DOCK5: variants seen among roughly 807,000 people sequenced by gnomAD.
The protein encoded by DOCK5 is dedicator of cytokinesis 5.
A neutral mutation model predicts 251.8 loss-of-function variants in DOCK5; 142 were observed. The ratio of observed to expected loss-of-function variants is 0.56; its 90% CI spans 0.49 to 0.65. The LOEUF (loss-of-function observed/expected upper bound fraction) is 0.65, where lower values mean the gene tolerates loss of function less well. DOCK5 is among the 30% of genes least tolerant of loss of function. The pLI, the probability that DOCK5 is intolerant of heterozygous loss-of-function variation, is 0.00. For missense variants in DOCK5, 2,111 were observed against 2,312.3 expected (o/e 0.91, Z 1.79); for synonymous variants, 842 against 835.5 (o/e 1.01, Z -0.13).
chr8:25,341,597 G>C, intron 23 of DOCK5, 142 bp from the exon 24 acceptor site: 1 of 706,962 alleles, frequency 1.4e-6, no homozygotes, highest in Non-Finnish European at 2.4e-6. Flanking sequence ...AGCAATGCCA[G>C]CTTTCCTTTT....
At chr8:25,287,570 TG>T (rs935403366) in intron 5 of DOCK5, among the ~76,000 whole-genome samples, 15 of 152,246 alleles carry the variant, frequency 9.9e-5, no homozygotes, top group Non-Finnish European at 1.8e-4. Context: ...TGTTTTATTT[TG>T]TGGACACATT....
chr8:25,352,877 T>C (rs1164392715), intron 27 of DOCK5, among the ~76,000 whole-genome samples: 1 of 151,994 alleles, frequency 6.6e-6, no homozygotes, highest in Non-Finnish European at 1.5e-5. Flanking sequence ...GAGTCACACC[T>C]TTAAATAAGA....
chr8:25,403,686 C>G lies in DOCK5; in HGVS notation c.5055C>G (p.Asn1685Lys), dbSNP rs757297993. The G allele has an allele frequency of 6.2e-7, 1 of 1,613,962 alleles. No individual in the cohort carries two copies. The highest frequency in any genetic ancestry group is 2.2e-5 in the East Asian group (1 of 44,872). The change falls in exon 48 of 52, where the codon AAC becomes AAG. Residue 1685 changes from asparagine to lysine, a missense_variant. Asn to Lys is a moderately conservative substitution (Grantham distance 94, BLOSUM62 0). Transcript: ENST00000276440. ...VTSSVVSTSSNSSDNAPSRPG... is the reference protein window; with the variant it reads ...VTSSVVSTSSKSSDNAPSRPG... ...CCTCTGTGGTTTCCACCTCTTCAAA[C>G]TCGTCTGACAATGCTCCTTCCAGAC... is the stretch of plus-strand genomic sequence containing the variant.
At chr8:25,325,653 G>T (rs1805547022) in intron 18 of DOCK5, 106 bp downstream of exon 18, 8 of 1,353,626 alleles carry the variant, frequency 5.9e-6, no homozygotes, top group Non-Finnish European at 1.0e-6. Flanking sequence ...GTCTTATTAG[G>T]TAGGATGTTG....
At chr8:25,320,891 A>G in intron 15 of DOCK5, 89 bp from the exon 16 acceptor site, 1 of 1,110,468 alleles carries the variant, frequency 9.0e-7, no homozygotes, top group Non-Finnish European at 1.3e-6. Flanking sequence ...TGCTGTGGAA[A>G]GTATAAAATT....
intron 4 of DOCK5, 147 bp downstream of exon 4, chr8:25,275,588 A>G: frequency 1.4e-6 from 1 of 734,986 alleles, no homozygotes. Flanking sequence ...TAATCCCAGC[A>G]CTTTGGGAGA....
At chr8:25,394,198 C>G (rs1801306899) in intron 44 of DOCK5, among the ~76,000 whole-genome samples, 1 of 152,138 alleles carries the variant, frequency 6.6e-6, no homozygotes, top group Admixed American at 6.5e-5. Context: ...GCAGTCCAGC[C>G]TGGTCAACTG....
chr8:25,234,395 G>A (rs1245655144), intron 1 of DOCK5, among the ~76,000 whole-genome samples: 2 of 152,188 alleles, frequency 1.3e-5, no homozygotes, highest in Non-Finnish European at 2.9e-5. Flanking sequence ...GTACCAAGAA[G>A]AACCTGATAA....
At chr8:25,330,284 CATTT>C (rs1461689580) in intron 18 of DOCK5, among the ~76,000 whole-genome samples, 2 of 152,170 alleles carry the variant, frequency 1.3e-5, no homozygotes, top group Non-Finnish European at 2.9e-5. Context: ...TCCGTTCATT[CATTT>C]ATTCCTTCAT....
At position 25,368,573 on chromosome 8, in the gene DOCK5, C is replaced by T. The variant is rs139729836; in HGVS notation, c.3286C>T (p.Pro1096Ser). The change falls in exon 33 of 52, where the codon CCC becomes TCC. Residue 1096 changes from proline to serine, a missense_variant and splice_region_variant. Pro to Ser is a moderately conservative substitution (Grantham distance 74). Around this residue, in one of 3 missense-constraint regions of DOCK5, gnomAD observed 1,717 missense variants for 1,892.4 expected, o/e 0.91. Transcript: ENST00000276440. ...RIRDMWYNLG[P>S]HKIKFIPSMV... is the part of the protein sequence containing the mutation. ...ATCTTCATTCACTTTCATTTCAGGT[C>T]CCCACAAAATCAAATTCATCCCATC... is the stretch of plus-strand genomic sequence containing the variant. 5.7e-5 allele frequency: 91 copies of T among 1,591,324 alleles called. No homozygotes were observed. Among genetic ancestry groups the T allele is most frequent in the Non-Finnish European group, 7.6e-5 (89 of 1,169,656 alleles).
rs1261294809 is a variant in DOCK5, at chr8:25,325,452, C to A, written c.1808C>A (p.Ser603Tyr). 1 of 1,613,454 alleles carries A rather than the reference C, an allele frequency of 6.2e-7. No homozygotes were observed. Among genetic ancestry groups the A allele is most frequent in the African/African-American group, 1.3e-5 (1 of 75,034 alleles). Residue 603 changes from serine to tyrosine, a missense_variant, in exon 18 of 52, where the codon TCC becomes TAC. Physicochemically the swap from Ser to Tyr is moderately radical, Grantham distance 144. This residue lies in a region of DOCK5 where 1,717 missense variants were observed against 1,892.4 expected (regional missense o/e 0.91). Transcript: ENST00000276440. ...ATGGAAGAAAAAGAGCTTCAAGCAT[C>A]CAAAAACCTGGTCACCTTCACCCCA... is the stretch of plus-strand genomic sequence containing the variant. ...MEMEEKELQA[S>Y]KNLVTFTPSK...
At chr8:25,205,501 G>A (rs1229698396) in intron 1 of DOCK5, among the ~76,000 whole-genome samples, 1 of 152,212 alleles carries the variant, frequency 6.6e-6, no homozygotes, top group African/African-American at 2.4e-5. Context: ...GGAGTTGCGT[G>A]TTATTTGAAA....
chr8:25,242,081 A>G (rs1202137361), intron 1 of DOCK5, among the ~76,000 whole-genome samples: 10 of 152,132 alleles, frequency 6.6e-5, no homozygotes, highest in Non-Finnish European at 1.5e-4. Context: ...TCAGCAAACC[A>G]CCATGGCACG....
chr8:25,326,855 C>T (rs879442552), intron 18 of DOCK5, among the ~76,000 whole-genome samples: 17 of 152,206 alleles, frequency 1.1e-4, no homozygotes, highest in Admixed American at 3.9e-4. Context: ...AGTTTAACCA[C>T]GTTTTATAAT....
At chr8:25,359,753 C>T (rs1283136761) in intron 28 of DOCK5, among the ~76,000 whole-genome samples, 3 of 152,246 alleles carry the variant, frequency 2.0e-5, no homozygotes, top group Non-Finnish European at 4.4e-5. Context: ...GAAAAATTGT[C>T]TTTCCTGAAA....
At chr8:25,200,147 TATC>T (rs1206258756) in intron 1 of DOCK5, among the ~76,000 whole-genome samples, 11 of 152,228 alleles carry the variant, frequency 7.2e-5, no homozygotes, top group African/African-American at 2.2e-4. Context: ...TGCTGTATCT[TATC>T]ATAATACTTT....
intron 1 of DOCK5, among the ~76,000 whole-genome samples, chr8:25,210,033 T>TATATAAAAAA (rs1293166301): frequency 4.4e-5 from 1 of 22,866 alleles, no homozygotes; most frequent in African/African-American, 8.8e-5. Context: ...TATATATATA[T>TATATAAAAAA]AAATGTGTGT....
chr8:25,196,287 G>A (rs1801723915), intron 1 of DOCK5, among the ~76,000 whole-genome samples: 1 of 152,194 alleles, frequency 6.6e-6, no homozygotes, highest in Non-Finnish European at 1.5e-5. Context: ...AGTTTAGGAG[G>A]TTCTGAGTCA....
chr8:25,414,305 T>G lies in DOCK5; in HGVS notation c.*3007T>G, dbSNP rs970995590. 2.6e-5 allele frequency: 4 copies of G among 152,182 alleles called. No individual in the cohort carries two copies. Among genetic ancestry groups the G allele is most frequent in the African/African-American group, 9.7e-5 (4 of 41,436 alleles). 9.4% of individuals were successfully genotyped at this position (152,182 alleles called of 1,614,324 possible). A position where few individuals can be genotyped will look rare whatever the true frequency, so the allele number is the denominator to read the frequency against. ...AAAGACAGTTCACTCTGGTGTGCTG[T>G]AGGATTGGAAAGGGAGTGGTACCAG... is the stretch of plus-strand genomic sequence containing the variant. On this transcript the variant is annotated 3_prime_UTR_variant, in exon 52 of 52. Coordinates refer to ENST00000276440, the MANE Select transcript of DOCK5 (RefSeq NM_024940.8).
Sources: gnomAD v4.1 joint callset for allele counts (sites outside exome capture counted in the v4.1 genomes callset) on GRCh38, gnomAD v4.1.1 for gene constraint, gnomAD v4.1.1 regional missense constraint, MANE v1.5 for transcripts, NCBI Gene and HGNC (gene_info 2026-07-23, HGNC 2026-07-21) for gene names.